The following MYL4 variants were observed in gnomAD, a reference collection of about 807,000 sequenced individuals.
The protein encoded by MYL4 is myosin light chain 4, also known as atrial myosin light chain 1.
A neutral mutation model predicts 21.6 loss-of-function variants in MYL4; 16 were observed. The ratio of observed to expected loss-of-function variants is 0.74; its 90% CI spans 0.50 to 1.12. MYL4 has a LOEUF of 1.12. Among genes scored for constraint, MYL4 ranks in the 50% most tolerant of loss-of-function variants. The probability of loss-of-function intolerance (pLI) is 0.00; values close to 1 mark genes in which losing one functional copy is unlikely to be tolerated. For missense variants in MYL4, 249 were observed against 252.9 expected (o/e 0.98, Z 0.11); for synonymous variants, 82 against 95.7 (o/e 0.86, Z 0.83).
chr17:47,191,073 G>A, the MYL4 span, among the ~76,000 whole-genome samples: 1 of 152,212 alleles, frequency 6.6e-6, no homozygotes, highest in African/African-American at 2.4e-5. Flanking sequence ...TGACTTGGTG[G>A]TTGACAACAA....
intron 1 of MYL4, among the ~76,000 whole-genome samples, chr17:47,213,206 C>T (rs991205517): frequency 4.6e-5 from 7 of 152,196 alleles, no homozygotes; most frequent in African/African-American, 1.2e-4. Flanking sequence ...AGTCCGTGTA[C>T]GTTCTAGAAT....
upstream of MYL4, chr17:47,209,163 G>A (rs1021597102): frequency 5.0e-6 from 3 of 600,834 alleles, no homozygotes; most frequent in South Asian, 1.9e-5. Context: ...GAGGTGAAGA[G>A]AGAGCTGTGG....
chr17:47,203,492 TA>T (rs1363462680), intron 1 of MYL4, among the ~76,000 whole-genome samples: 1 of 152,198 alleles, frequency 6.6e-6, no homozygotes, highest in Non-Finnish European at 1.5e-5. Context: ...GCTTGTTTTT[TA>T]AAAATATTTT....
At chr17:47,200,566 A>T (rs908699378) in exon 1 of MYL4, 3 of 152,246 alleles carry the variant, frequency 2.0e-5, no homozygotes, top group Admixed American at 1.3e-4. Flanking sequence ...CATATCTGGG[A>T]TGATGCAGTT....
downstream of MYL4, among the ~76,000 whole-genome samples, chr17:47,224,380 G>A (rs2064877472): frequency 6.6e-6 from 1 of 152,114 alleles, no homozygotes; most frequent in South Asian, 2.1e-4. Flanking sequence ...AGAACAGCAT[G>A]GGAAAGTTAC....
intron 1 of MYL4, among the ~76,000 whole-genome samples, chr17:47,210,359 C>T (rs2064765027): frequency 6.6e-6 from 1 of 152,178 alleles, no homozygotes; most frequent in Admixed American, 6.5e-5. Context: ...TCTGGCCCAG[C>T]TGCTGAAGGA....
At chr17:47,189,921 A>G in the MYL4 span, among the ~76,000 whole-genome samples, 1 of 152,224 alleles carries the variant, frequency 6.6e-6, no homozygotes, top group South Asian at 2.1e-4. Flanking sequence ...ATTATAAGTA[A>G]TATAAAAATT....
At chr17:47,203,620 G>T (rs2064717126) in intron 1 of MYL4, among the ~76,000 whole-genome samples, 1 of 151,918 alleles carries the variant, frequency 6.6e-6, no homozygotes, top group African/African-American at 2.4e-5. Context: ...TGATTTTTGG[G>T]CTACTTTTAA....
At chr17:47,218,416 G>A (rs1172330022) in intron 2 of MYL4, among the ~76,000 whole-genome samples, 1 of 152,144 alleles carries the variant, frequency 6.6e-6, no homozygotes, top group African/African-American at 2.4e-5. Flanking sequence ...GCACTTCTTT[G>A]TGGGTAGCAT....
At chr17:47,219,762 C>G in intron 2 of MYL4, 142 bp from the exon 3 acceptor site, 1 of 1,040,956 alleles carries the variant, frequency 9.6e-7, no homozygotes, top group East Asian at 2.5e-5. Flanking sequence ...CGAGGGACGG[C>G]CTGGGATAAT....
upstream of MYL4, among the ~76,000 whole-genome samples, chr17:47,207,177 C>T (rs1394738552): frequency 3.3e-5 from 5 of 152,146 alleles, no homozygotes; most frequent in East Asian, 3.8e-4. Flanking sequence ...GCCCTGGTCT[C>T]GTTCTAGTAT....
the MYL4 span, among the ~76,000 whole-genome samples, chr17:47,191,810 A>G: frequency 1.3e-5 from 2 of 152,148 alleles, no homozygotes; most frequent in South Asian, 4.1e-4. Context: ...CTGTTTGCTC[A>G]TGCTAAACTT....
At chr17:47,208,893 G>C (rs565459209), upstream of MYL4, 14 of 163,834 alleles carry the variant, frequency 8.5e-5, no homozygotes, top group East Asian at 2.4e-3. Flanking sequence ...TCCATGCCTG[G>C]AGAGTTGGGC....
intron 2 of MYL4, among the ~76,000 whole-genome samples, chr17:47,214,146 A>G (rs1372697936): frequency 6.6e-6 from 1 of 152,178 alleles, no homozygotes; most frequent in Non-Finnish European, 1.5e-5. Flanking sequence ...CTAAGATTCA[A>G]ACTCAGGCAA....
downstream of MYL4, among the ~76,000 whole-genome samples, chr17:47,226,704 G>A (rs536035089): frequency 6.6e-6 from 1 of 152,322 alleles, no homozygotes; most frequent in African/African-American, 2.4e-5. Context: ...TCCCTGGCTG[G>A]CACAGCCGGC....
chr17:47,196,196 T>C (rs1334279507), upstream of MYL4, among the ~76,000 whole-genome samples: 1 of 152,134 alleles, frequency 6.6e-6, no homozygotes, highest in African/African-American at 2.4e-5. Context: ...AGTGTCCTTA[T>C]AAAAAGATGC....
At chr17:47,220,523 A>T (rs1404147238) in intron 3 of MYL4, among the ~76,000 whole-genome samples, 1 of 152,256 alleles carries the variant, frequency 6.6e-6, no homozygotes, top group African/African-American at 2.4e-5. Flanking sequence ...GGTATAAATT[A>T]GAGCAGCTTC....
intron 1 of MYL4, among the ~76,000 whole-genome samples, chr17:47,210,307 G>A (rs1242409900): frequency 1.3e-5 from 2 of 152,132 alleles, no homozygotes; most frequent in Non-Finnish European, 2.9e-5. Context: ...GAGCTGGTGT[G>A]GGCCCTGCAT....
upstream of MYL4, among the ~76,000 whole-genome samples, chr17:47,195,663 C>G (rs78556516): frequency 6.3e-3 from 959 of 152,336 alleles, 3 homozygotes; most frequent in Non-Finnish European, 9.2e-3. Context: ...ATGTACTGCA[C>G]TCTCCCCAGA....
Sources: gnomAD v4.1 joint callset for allele counts (sites outside exome capture counted in the v4.1 genomes callset) on GRCh38, gnomAD v4.1.1 for gene constraint, MANE v1.5 for transcripts, NCBI Gene and HGNC (gene_info 2026-07-23, HGNC 2026-07-21) for gene names.